Variants in C2CD3 observed in about 807,000 individuals in gnomAD.
The protein encoded by C2CD3 is C2 domain-containing protein 3.
Under a neutral mutation model 234.0 loss-of-function variants are expected in C2CD3, and 148 were observed. The observed-to-expected ratio is 0.63, with a 90% CI of 0.55 to 0.72. C2CD3 has a LOEUF of 0.72. C2CD3 is among the 30% of genes least tolerant of loss of function. The pLI is 0.00. For missense variants in C2CD3, 2,577 were observed against 2,811.5 expected, an observed-to-expected ratio of 0.92 and a Z score of 1.89; for synonymous variants, 1,000 against 1,035.4, an observed-to-expected ratio of 0.97 and a Z score of 0.66.
chr11:74,113,339 G>A (rs1177894853), intron 11 of C2CD3: 1 of 167,028 alleles, frequency 6.0e-6, no homozygotes, highest in Non-Finnish European at 1.3e-5. Context: ...TCTTTTAGGG[G>A]GGATGAAAAT....
At chr11:74,064,122 C>T (rs1954389045) in intron 24 of C2CD3, among the ~76,000 whole-genome samples, 1 of 151,710 alleles carries the variant, frequency 6.6e-6, no homozygotes, top group African/African-American at 2.4e-5. Context: ...TGTTCAATTC[C>T]CACCTATAAG....
intron 4 of C2CD3, 93 bp downstream of exon 4, chr11:74,139,512 G>A: frequency 1.1e-6 from 1 of 950,252 alleles, no homozygotes. Flanking sequence ...TCTCTCTGCT[G>A]TTAATCTTTT....
intron 3 of C2CD3, among the ~76,000 whole-genome samples, chr11:74,157,316 TAA>T (rs1430097683): frequency 6.6e-6 from 1 of 152,174 alleles, no homozygotes; most frequent in Non-Finnish European, 1.5e-5. Flanking sequence ...AGGGGTGGAA[TAA>T]TGAGGTAAAC....
At chr11:74,166,356 G>T (rs973340808) in intron 2 of C2CD3, among the ~76,000 whole-genome samples, 1 of 151,386 alleles carries the variant, frequency 6.6e-6, no homozygotes, top group Non-Finnish European at 1.5e-5. Flanking sequence ...TCTACAGTTG[G>T]ACTGTCACTT....
At position 74,042,017 on chromosome 11, in the gene C2CD3, C is replaced by T. The variant is rs548876635; in HGVS notation, c.5660+37G>A. 2.1e-5 allele frequency: 33 copies of T among 1,607,216 alleles called. No individual in the cohort carries two copies. The East Asian group carries it at 6.9e-4, about 34-fold the overall frequency. ...CATTTCTCATTCACCTTGTGCCCCA[C>T]TATGGTTTCCTGTGTCTTTTCTCAG... On this transcript the variant is annotated intron_variant, in intron 29 of 32. Transcript: ENST00000334126.
chr11:74,117,361 AATATATATATATATATATATAT>A (rs71469494), intron 9 of C2CD3, among the ~76,000 whole-genome samples: 1 of 94,832 alleles, frequency 1.1e-5, no homozygotes, highest in Non-Finnish European at 2.1e-5. Context: ...TTTGGCCTCA[AATATATATATATATATATATAT>A]ATATATATGG....
intron 32 of C2CD3, among the ~76,000 whole-genome samples, chr11:74,025,764 G>A (rs1468507411): frequency 6.6e-6 from 1 of 152,078 alleles, no homozygotes; most frequent in Non-Finnish European, 1.5e-5. Flanking sequence ...TTCCTCTAGG[G>A]TAATTCTCAC....
chr11:74,051,865 G>A (rs1953708972), intron 26 of C2CD3, among the ~76,000 whole-genome samples: 1 of 152,122 alleles, frequency 6.6e-6, no homozygotes, highest in Non-Finnish European at 1.5e-5. Context: ...CATGGTGCCT[G>A]GCACAGAATA....
chr11:74,113,802 G>C lies in C2CD3; in HGVS notation c.1821C>G (p.Ala607=), dbSNP rs1199176600. The part of the protein sequence containing the change: ...TALITEVVRL[A]SSKITDGKVK... The stretch of plus-strand genomic sequence containing the variant: ...TACTTCCATCTGTAATTTTACTGGA[G>C]GCGAGTCGAACAACCTCAGTGATCA... The change falls in exon 11 of 33, where the codon GCC becomes GCG. Residue 607 remains alanine (A), a synonymous_variant. Coordinates refer to ENST00000334126, the MANE Select transcript of C2CD3 (RefSeq NM_001286577.2). The C allele has an allele frequency of 6.2e-7, 1 of 1,610,154 alleles. No homozygotes were observed.
intron 32 of C2CD3, among the ~76,000 whole-genome samples, chr11:74,026,104 A>G (rs1952282613): frequency 6.6e-6 from 1 of 152,172 alleles, no homozygotes; most frequent in Admixed American, 6.5e-5. Context: ...ACCTGATAAA[A>G]ACTGAGATGT....
intron 15 of C2CD3, among the ~76,000 whole-genome samples, chr11:74,099,980 C>T (rs1956253768): frequency 6.6e-6 from 1 of 152,072 alleles, no homozygotes; most frequent in Non-Finnish European, 1.5e-5. Context: ...AATACCCCAC[C>T]TACGTGTTAA....
intron 24 of C2CD3, among the ~76,000 whole-genome samples, chr11:74,071,871 T>C (rs943015362): frequency 1.3e-5 from 2 of 152,210 alleles, no homozygotes; most frequent in African/African-American, 4.8e-5. Context: ...TTATAAAATT[T>C]TGCCAAGTGA....
intron 13 of C2CD3, among the ~76,000 whole-genome samples, chr11:74,104,150 G>C (rs1368147092): frequency 6.6e-6 from 1 of 152,196 alleles, no homozygotes. Context: ...GTTAACCCCA[G>C]TGGAGGAACA....
intron 3 of C2CD3, among the ~76,000 whole-genome samples, chr11:74,153,163 A>G (rs1271486283): frequency 6.6e-6 from 1 of 152,128 alleles, no homozygotes; most frequent in Non-Finnish European, 1.5e-5. Context: ...AATTGCAGTG[A>G]GCTATGATCA....
intron 18 of C2CD3, among the ~76,000 whole-genome samples, chr11:74,092,955 A>C (rs781182209): frequency 6.6e-6 from 1 of 152,056 alleles, no homozygotes; most frequent in Non-Finnish European, 1.5e-5. Flanking sequence ...AAGCCCCTCT[A>C]ATTTACCAGG....
rs781702382 is a variant in C2CD3, at chr11:74,103,540, C to T, written c.2171G>A (p.Cys724Tyr). The T allele has an allele frequency of 3.7e-6, 6 of 1,613,894 alleles. No individual in the cohort carries two copies. The African/African-American group carries it at 6.7e-5, about 18-fold the overall frequency. The change falls in exon 14 of 33, where the codon TGT becomes TAT. Residue 724 changes from cysteine to tyrosine, a missense_variant. By Grantham distance (194) the Cys-to-Tyr change is radical. Coordinates refer to ENST00000334126, the MANE Select transcript of C2CD3 (RefSeq NM_001286577.2). ...TGCCTTATTTGGACTTGTAGGAGCA[C>T]AAAGTGGGGTATAATGGGTGTTGCC... is the stretch of plus-strand genomic sequence containing the variant. ...LSGNTHYTPLCAPTSPNKALP... is the reference protein window; with the variant it reads ...LSGNTHYTPLYAPTSPNKALP...
At chr11:74,146,179 T>G (rs578087438) in intron 3 of C2CD3, among the ~76,000 whole-genome samples, 4 of 152,196 alleles carry the variant, frequency 2.6e-5, no homozygotes, top group Admixed American at 1.3e-4. Context: ...CATATTAAGA[T>G]TAAAAGCTTT....
intron 7 of C2CD3, among the ~76,000 whole-genome samples, chr11:74,125,038 T>C (rs1335553077): frequency 1.3e-5 from 2 of 152,198 alleles, no homozygotes; most frequent in Non-Finnish European, 2.9e-5. Flanking sequence ...AGAATACACA[T>C]ACCTATTTTG....
chr11:74,027,073 T>C (rs985323993), intron 32 of C2CD3, among the ~76,000 whole-genome samples: 1 of 151,934 alleles, frequency 6.6e-6, no homozygotes, highest in South Asian at 2.1e-4. Context: ...GAAATAATCA[T>C]AGCTTGTAGG....
Sources: gnomAD v4.1 joint callset for allele counts (sites outside exome capture counted in the v4.1 genomes callset) on GRCh38, gnomAD v4.1.1 for gene constraint, MANE v1.5 for transcripts, NCBI Gene and HGNC (gene_info 2026-07-23, HGNC 2026-07-21) for gene names.